Variants in CSMD1 observed in about 807,000 individuals in gnomAD.
CSMD1 encodes CUB and Sushi multiple domains 1.
Under a neutral mutation model 417.5 loss-of-function variants are expected in CSMD1, and 213 were observed. The ratio of observed to expected loss-of-function variants is 0.51; its 90% confidence interval spans 0.46 to 0.57. The LOEUF is 0.57. Ranked by LOEUF, CSMD1 falls within the 20% of genes least tolerant of loss-of-function variation. The pLI is 0.00. For missense variants in CSMD1, 6,923 were observed against 4,529.7 expected, an observed-to-expected ratio of 1.53 and a Z score of -15.17; for synonymous variants, 2,862 against 1,736.8, an observed-to-expected ratio of 1.65 and a Z score of -16.11.
chr8:3,149,894 T>G (rs769901439), intron 40 of CSMD1, among the ~76,000 whole-genome samples: 4 of 152,218 alleles, frequency 2.6e-5, no homozygotes, highest in Non-Finnish European at 5.9e-5. Context: ...TCTCATTCTC[T>G]GATGTTAATG....
At chr8:3,724,765 G>A (rs756535938) in intron 6 of CSMD1, among the ~76,000 whole-genome samples, 1 of 152,126 alleles carries the variant, frequency 6.6e-6, no homozygotes, top group Admixed American at 6.5e-5. Context: ...ATGAGTGTAA[G>A]CAAAAAGCCA....
intron 37 of CSMD1, among the ~76,000 whole-genome samples, chr8:3,176,844 T>C (rs1002717719): frequency 1.3e-5 from 2 of 151,226 alleles, no homozygotes; most frequent in South Asian, 2.1e-4. Context: ...AGTGGTGCAA[T>C]CATGGCTGTC....
intron 7 of CSMD1, among the ~76,000 whole-genome samples, chr8:3,680,818 C>T (rs2469373): frequency 1.3e-5 from 2 of 152,068 alleles, no homozygotes; most frequent in African/African-American, 4.8e-5. Flanking sequence ...AACTCAGCAG[C>T]ACATCAAAAA....
chr8:4,685,229 G>A (rs958000768), intron 1 of CSMD1, among the ~76,000 whole-genome samples: 21 of 152,186 alleles, frequency 1.4e-4, no homozygotes, highest in Admixed American at 3.9e-4. Context: ...AGTGCTGCAT[G>A]GGAGAAAATA....
chr8:4,087,873 A>C lies in CSMD1; in HGVS notation c.416-55774T>G, dbSNP rs187291915. 2.2e-3 allele frequency among the ~76,000 whole-genome samples: 331 copies of C among 152,110 alleles called. 1 individual carries two copies. Among genetic ancestry groups the C allele is most frequent in the Non-Finnish European group, 2.4e-3 (160 of 68,002 alleles). ...CCTTACGTGACCTAGGTGAATTTCT[A>C]CCCTGCTTAACTCTGCTCATCTTTA... is the stretch of plus-strand genomic sequence containing the variant. On this transcript the variant is annotated intron_variant, in intron 3 of 69. Coordinates refer to ENST00000635120, the MANE Select transcript of CSMD1 (RefSeq NM_033225.6).
At chr8:3,757,087 A>T (rs1405595428) in intron 5 of CSMD1, among the ~76,000 whole-genome samples, 2 of 152,134 alleles carry the variant, frequency 1.3e-5, no homozygotes, top group Non-Finnish European at 2.9e-5. Flanking sequence ...ACAGGCGTGA[A>T]CCACTGTGCC....
intron 3 of CSMD1, among the ~76,000 whole-genome samples, chr8:4,381,851 T>C (rs1463999823): frequency 6.6e-6 from 1 of 152,210 alleles, no homozygotes; most frequent in South Asian, 2.1e-4. Flanking sequence ...AAGCTCAGCA[T>C]CACCTAGGCT....
chr8:4,231,929 G>GT (rs1801757837), intron 3 of CSMD1, among the ~76,000 whole-genome samples: 3 of 552 alleles, frequency 5.4e-3, no homozygotes, highest in Non-Finnish European at 0.011. Flanking sequence ...TAAAATATGT[G>GT]TTTTCCTTCT....
rs577007684 is a variant in CSMD1 at position 4,492,379 on chromosome 8, G to T, written c.303-72314C>A. Among the ~76,000 whole-genome samples the T allele has an allele frequency of 7.2e-4, 109 of 152,292 alleles. 1 individual carries two copies. Among genetic ancestry groups the T allele is most frequent in the African/African-American group, 2.6e-3 (107 of 41,570 alleles). On this transcript the variant is annotated intron_variant, in intron 2 of 69. Transcript: ENST00000635120. Reference sequence around the variant, plus strand: ...ATTACTAAGTGAAAGAAGGCAGTCTGTAGGATGCCAAATATCTGACATTCT... The same window carrying T: ...ATTACTAAGTGAAAGAAGGCAGTCTTTAGGATGCCAAATATCTGACATTCT...
At chr8:4,220,339 G>A (rs774461714) in intron 3 of CSMD1, among the ~76,000 whole-genome samples, 2 of 152,188 alleles carry the variant, frequency 1.3e-5, no homozygotes, top group East Asian at 1.9e-4. Context: ...AGGTTAGCAT[G>A]TACAACAGCA....
At chr8:3,110,600 T>C (rs1324062293) in intron 42 of CSMD1, among the ~76,000 whole-genome samples, 2 of 152,364 alleles carry the variant, frequency 1.3e-5, no homozygotes, top group East Asian at 3.9e-4. Context: ...TTTATTCTTC[T>C]ATGCCTCAAA....
At chr8:4,114,766 A>G (rs1469360926) in intron 3 of CSMD1, among the ~76,000 whole-genome samples, 1 of 152,194 alleles carries the variant, frequency 6.6e-6, no homozygotes, top group East Asian at 1.9e-4. Context: ...CAAGAATATA[A>G]TAAGACTTCA....
chr8:4,507,233 A>T (rs1006774465), intron 2 of CSMD1, among the ~76,000 whole-genome samples: 1 of 152,206 alleles, frequency 6.6e-6, no homozygotes, highest in Non-Finnish European at 1.5e-5. Context: ...GTAGATACCC[A>T]TGCAAAAGTT....
chr8:3,610,672 A>AAT (rs1461473490), intron 8 of CSMD1, among the ~76,000 whole-genome samples: 1 of 152,120 alleles, frequency 6.6e-6, no homozygotes, highest in Admixed American at 6.6e-5. Flanking sequence ...TAACATAGCA[A>AAT]ATATCTTACT....
At chr8:4,885,869 C>G (rs114715818) in intron 1 of CSMD1, among the ~76,000 whole-genome samples, 2,934 of 151,954 alleles carry the variant, frequency 0.019, 117 homozygotes, top group African/African-American at 0.067. Context: ...GAAAACAAAA[C>G]AAAAAAATCA....
At chr8:4,415,335 G>C (rs750605236) in intron 3 of CSMD1, among the ~76,000 whole-genome samples, 1 of 152,132 alleles carries the variant, frequency 6.6e-6, no homozygotes, top group Non-Finnish European at 1.5e-5. Flanking sequence ...TGCTTCTGCA[G>C]GGATTCCTCC....
intron 32 of CSMD1, among the ~76,000 whole-genome samples, chr8:3,201,343 C>T (rs1796981987): frequency 6.6e-6 from 1 of 152,106 alleles, no homozygotes; most frequent in Admixed American, 6.5e-5. Flanking sequence ...TTATCCCACC[C>T]TCTTTTTCGG....
At chr8:3,658,327 A>C (rs1392472483) in intron 7 of CSMD1, among the ~76,000 whole-genome samples, 2 of 151,996 alleles carry the variant, frequency 1.3e-5, no homozygotes, top group African/African-American at 4.8e-5. Flanking sequence ...AGATTTACTT[A>C]AATCACTACT....
At chr8:3,861,541 T>C (rs1804710308) in intron 5 of CSMD1, among the ~76,000 whole-genome samples, 3 of 152,148 alleles carry the variant, frequency 2.0e-5, no homozygotes. Flanking sequence ...AATTCTGGGA[T>C]TTAACTCCAC....
Sources: allele counts gnomAD v4.1 joint callset (sites outside exome capture counted in the v4.1 genomes callset), GRCh38; gene constraint gnomAD v4.1.1; transcripts MANE v1.5; gene names NCBI Gene and HGNC (gene_info 2026-07-23, HGNC 2026-07-21).